The following SMG1 variants were observed in gnomAD, a reference collection of about 807,000 sequenced individuals.
The protein encoded by SMG1 is serine/threonine-protein kinase SMG1.
Under a neutral mutation model 419.9 loss-of-function variants are expected in SMG1, and 22 were observed. The observed-to-expected ratio is 0.05, with a 90% confidence interval of 0.04 to 0.07. The LOEUF (loss-of-function observed/expected upper bound fraction) is 0.07. Among genes scored for constraint, SMG1 ranks in the 10% least tolerant of loss-of-function variants. The pLI, the probability that SMG1 is intolerant of heterozygous loss-of-function variation, is 1.00. For synonymous variants in SMG1, 1,538 were observed against 1,553.5 expected, an observed-to-expected ratio of 0.99 and a Z score of 0.23; for missense variants, 3,185 against 4,342.0, an observed-to-expected ratio of 0.73 and a Z score of 7.49.
chr16:18,814,080 AAAAT>A (rs1390710307), intron 60 of SMG1, among the ~76,000 whole-genome samples: 2 of 149,306 alleles, frequency 1.3e-5, no homozygotes, highest in African/African-American at 4.9e-5. Flanking sequence ...AAATAAAATA[AAAAT>A]AAATAAGAAA....
intron 55 of SMG1, among the ~76,000 whole-genome samples, chr16:18,821,017 G>T (rs1005023976): frequency 5.3e-5 from 8 of 152,054 alleles, no homozygotes; most frequent in African/African-American, 1.9e-4. Context: ...TGCTGCCTTA[G>T]GCATCACAAA....
intron 28 of SMG1, 195 bp downstream of exon 28, chr16:18,858,827 G>A: frequency 2.1e-6 from 1 of 481,244 alleles, no homozygotes; most frequent in Non-Finnish European, 3.6e-6. Flanking sequence ...CCATCCTTGA[G>A]ATTATCTCAG....
chr16:18,916,787 A>C (rs1470131868), intron 1 of SMG1, among the ~76,000 whole-genome samples: 1 of 152,126 alleles, frequency 6.6e-6, no homozygotes, highest in African/African-American at 2.4e-5. Context: ...ACAGGTAACC[A>C]AAATAATGAC....
At chr16:18,866,948 C>T (rs978092866) in intron 22 of SMG1, among the ~76,000 whole-genome samples, 173 bp from the exon 23 acceptor site, 1 of 152,050 alleles carries the variant, frequency 6.6e-6, no homozygotes, top group Non-Finnish European at 1.5e-5. Context: ...TATAAAATAG[C>T]CACAAAGGGT....
chr16:18,902,604 G>A (rs183382121), intron 1 of SMG1, among the ~76,000 whole-genome samples: 4 of 152,100 alleles, frequency 2.6e-5, no homozygotes, highest in East Asian at 1.9e-4. Context: ...GGTGGCTGAC[G>A]TAGGAGGACT....
chr16:18,904,158 C>A (rs1217762477), intron 1 of SMG1, among the ~76,000 whole-genome samples: 1 of 149,760 alleles, frequency 6.7e-6, no homozygotes, highest in South Asian at 2.1e-4. Flanking sequence ...AGGATGGTCT[C>A]GATCTCCTGA....
intron 29 of SMG1, chr16:18,857,847 T>C (rs1424275647): frequency 1.2e-5 from 2 of 172,736 alleles, no homozygotes; most frequent in African/African-American, 2.4e-5. Context: ...AAAAATATCA[T>C]GTTGAGCAAG....
At chr16:18,817,126 G>GT (rs1555485532) in intron 57 of SMG1, among the ~76,000 whole-genome samples, 165 bp downstream of exon 57, 1 of 87,498 alleles carries the variant, frequency 1.1e-5, no homozygotes, top group African/African-American at 4.7e-5. Context: ...GGCGGGGGGG[G>GT]GGGCGCTAAG....
In SMG1 at chr16:18,805,989, A is replaced by G. The variant is rs184162244; in HGVS notation, c.*3580T>C. The stretch of plus-strand genomic sequence containing the variant: ...AGCTCCTTTGATTTCAGTACTGCCA[A>G]AACAAGTAAGCCCCCAGAGTTAATT... On this transcript the variant is annotated 3_prime_UTR_variant, in exon 63 of 63. Transcript: ENST00000446231. 6.5e-6 allele frequency: 1 copy of G among 152,740 alleles called. No individual in the cohort carries two copies. Among genetic ancestry groups the G allele is most frequent in the East Asian group, 1.9e-4 (1 of 5,184 alleles). The allele number at this position is 152,740 out of a possible 1,614,324, so 9.5% of individuals were successfully genotyped here. A position where few individuals can be genotyped will look rare whatever the true frequency, so the allele number is the denominator to read the frequency against.
At position 18,835,934 on chromosome 16, in the gene SMG1, T is replaced by C; in HGVS notation, c.8056A>G (p.Lys2686Glu). The C allele has an allele frequency of 6.4e-7, 1 of 1,551,586 alleles. No individual in the cohort carries two copies. The highest frequency in any genetic ancestry group is 8.7e-7 in the Non-Finnish European group (1 of 1,146,578). Residue 2686 changes from lysine to glutamate, a missense_variant and splice_region_variant, in exon 48 of 63, where the codon AAA becomes GAA. Around this residue, in one of 27 missense-constraint regions of SMG1, gnomAD observed 412 missense variants for 546.6 expected, o/e 0.75. Coordinates refer to ENST00000446231, the MANE Select transcript of SMG1 (RefSeq NM_015092.5). ...TVERCQELYR[K>E]YEMQYAPQPP... ...GAAAATTAAGCACTATCAACTTACT[T>C]CCTATAGAGCTCTTGACAACGCTCT...
At chr16:18,821,242 T>C (rs2032528148) in intron 55 of SMG1, among the ~76,000 whole-genome samples, 1 of 32,596 alleles carries the variant, frequency 3.1e-5, no homozygotes, top group African/African-American at 1.0e-4. Flanking sequence ...TTTTTTTTTC[T>C]TTTTTTTTTC....
intron 39 of SMG1, 53 bp from the exon 40 acceptor site, chr16:18,842,507 T>C (rs1335797458): frequency 6.5e-7 from 1 of 1,549,838 alleles, no homozygotes; most frequent in Non-Finnish European, 8.8e-7. Flanking sequence ...AACACTTATT[T>C]TCTTCCACAT....
At position 18,841,811 on chromosome 16, in the gene SMG1, A is replaced by T. The variant is rs2033943074; in HGVS notation, c.6467-17T>A. The stretch of plus-strand genomic sequence containing the variant: ...CCTCCAGTCCTATGAAAACAAAATT[A>T]AAATAGCTAGGATAGGTGATTAAAC... On this transcript the variant is annotated splice_polypyrimidine_tract_variant and intron_variant, in intron 40 of 62. Transcript: ENST00000446231. 7 of 1,602,494 alleles carry T rather than the reference A, an allele frequency of 4.4e-6. No homozygotes were observed. Among genetic ancestry groups the T allele is most frequent in the East Asian group, 2.2e-5 (1 of 44,838 alleles).
Position 18,836,501 on chromosome 16 carries a change from G to T in SMG1, c.7636C>A (p.Gln2546Lys). The T allele has an allele frequency of 6.2e-7, 1 of 1,613,982 alleles. No individual in the cohort carries two copies. The highest frequency in any genetic ancestry group is 8.5e-7 in the Non-Finnish European group (1 of 1,179,892). ...TGGATTGCTTCCTGAACAGCTCTTT[G>T]CTGAGTCTGTAGTTGGGTGTGCTCA... ...YSEHTQLQTQ[Q>K]RAVQEAIQVK... Residue 2546 changes from glutamine to lysine, a missense_variant, in exon 47 of 63, where the codon CAA becomes AAA. Physicochemically the swap from Gln to Lys is moderately conservative, Grantham distance 53. Transcript: ENST00000446231.
intron 60 of SMG1, among the ~76,000 whole-genome samples, chr16:18,812,383 G>A (rs1198420510): frequency 6.6e-6 from 1 of 152,064 alleles, no homozygotes; most frequent in Non-Finnish European, 1.5e-5. Context: ...AGGCATGATG[G>A]CTCACGCCTG....
rs960158895 is a variant in SMG1, at chr16:18,926,342, G to C, written c.-301C>G. 8.4e-5 allele frequency: 30 copies of C among 357,162 alleles called. No individual in the cohort carries two copies. Among genetic ancestry groups the C allele is most frequent in the Non-Finnish European group, 1.3e-4 (25 of 198,052 alleles). 22.1% of individuals were successfully genotyped at this position (357,162 alleles called of 1,614,324 possible). On this transcript the variant is annotated 5_prime_UTR_variant, in exon 1 of 63. Coordinates refer to ENST00000446231, the MANE Select transcript of SMG1 (RefSeq NM_015092.5). ...GGCCGTGCGCGGCCCACGTCGCCGG[G>C]GCCCCGGAGGACGAGGACGACGAGG...
At chr16:18,894,680 A>T (rs1278677157) in intron 3 of SMG1, among the ~76,000 whole-genome samples, 2 of 39,224 alleles carry the variant, frequency 5.1e-5, no homozygotes, top group South Asian at 5.3e-4. Context: ...ACACAGTATT[A>T]AAAAAAAAAA....
In SMG1 at chr16:18,882,121, A is replaced by T. The variant is rs755777775; in HGVS notation, c.1293+44T>A. On this transcript the variant is annotated intron_variant, in intron 10 of 62. Coordinates refer to ENST00000446231, the MANE Select transcript of SMG1 (RefSeq NM_015092.5). ...AAGAGAAGCATTTACAGTGTAAAAC[A>T]ATTTTATTTTTGAATGACACTTGAA... 33 of 1,412,492 alleles carry T rather than the reference A, an allele frequency of 2.3e-5. 2 individuals carry two copies. In the South Asian group the frequency reaches 4.6e-4, roughly 20 times the overall value. The allele number at this position is 1,412,492 out of a possible 1,614,324, so 87.5% of individuals were successfully genotyped here.
At chr16:18,844,396 C>G (rs2034109890) in intron 39 of SMG1, among the ~76,000 whole-genome samples, 1 of 148,710 alleles carries the variant, frequency 6.7e-6, no homozygotes, top group Admixed American at 6.8e-5. Flanking sequence ...GCCACTCACT[C>G]CAGCCTGGGC....
Sources: gnomAD v4.1 joint callset for allele counts (sites outside exome capture counted in the v4.1 genomes callset) on GRCh38, gnomAD v4.1.1 for gene constraint, gnomAD v4.1.1 regional missense constraint, MANE v1.5 for transcripts, NCBI Gene and HGNC (gene_info 2026-07-23, HGNC 2026-07-21) for gene names.